Variants in GPC5 observed in about 807,000 individuals in gnomAD.
GPC5 encodes glypican-5.
Under a neutral mutation model 53.9 loss-of-function variants are expected in GPC5, and 47 were observed. The observed-to-expected ratio is 0.87, with a 90% CI of 0.69 to 1.11. The LOEUF is 1.11. Ranked by LOEUF, GPC5 falls within the 50% of genes most tolerant of loss-of-function variation. GPC5 has a pLI of 0.00. For synonymous variants in GPC5, 286 were observed against 263.3 expected (o/e 1.09, Z -0.84); for missense variants, 748 against 713.1 (o/e 1.05, Z -0.56).
At chr13:92,613,556 A>G (rs1221512793) in intron 7 of GPC5, among the ~76,000 whole-genome samples, 3 of 127,192 alleles carry the variant, frequency 2.4e-5, no homozygotes, top group Non-Finnish European at 4.7e-5. Context: ...TATAATTTAT[A>G]TACAATAATA....
chr13:92,064,090 T>C (rs970579365), intron 6 of GPC5, among the ~76,000 whole-genome samples: 4 of 152,140 alleles, frequency 2.6e-5, no homozygotes, highest in African/African-American at 9.7e-5. Flanking sequence ...CCATTTAATG[T>C]CTCAAATTTC....
chr13:91,486,457 G>C (rs1039866898), intron 2 of GPC5: 5 of 152,056 alleles, frequency 3.3e-5, no homozygotes, highest in African/African-American at 1.2e-4. Flanking sequence ...TTTCTTTAGG[G>C]GTCTTTCTGG....
chr13:91,799,166 A>G lies in GPC5; in HGVS notation c.1280+42746A>G, dbSNP rs1461570018. Reference sequence around the variant, plus strand: ...TTATGCAGCCATAAAAAAGAATGACATCATGTCCTTTGCAGCAACATGGTT... The same window carrying G: ...TTATGCAGCCATAAAAAAGAATGACGTCATGTCCTTTGCAGCAACATGGTT... On this transcript the variant is annotated intron_variant, in intron 5 of 7. Transcript: ENST00000377067. Among the ~76,000 whole-genome samples the G allele has an allele frequency of 2.0e-5, 3 of 152,244 alleles. No individual in the cohort carries two copies. In the East Asian group the frequency reaches 5.8e-4, roughly 29 times the overall value.
chr13:92,848,224 TG>T (rs1263701791), intron 7 of GPC5, among the ~76,000 whole-genome samples: 1 of 152,216 alleles, frequency 6.6e-6, no homozygotes, highest in Non-Finnish European at 1.5e-5. Context: ...ATTGAATTTT[TG>T]TATCTATCCT....
Position 92,464,536 on chromosome 13 carries a change from G to A in GPC5, c.1561+319547G>A, listed in dbSNP as rs537658692. Among the ~76,000 whole-genome samples the A allele has an allele frequency of 8.5e-4, 130 of 152,116 alleles. 1 individual carries two copies. Among genetic ancestry groups the A allele is most frequent in the African/African-American group, 3.0e-3 (124 of 41,534 alleles). On this transcript the variant is annotated intron_variant, in intron 7 of 7. Coordinates refer to ENST00000377067, the MANE Select transcript of GPC5 (RefSeq NM_004466.6). Reference sequence around the variant, plus strand: ...AAGTTTCAATGAATGCACACTGACTGCATTTATTTCCCATCAATTTCACCA... The same window carrying A: ...AAGTTTCAATGAATGCACACTGACTACATTTATTTCCCATCAATTTCACCA...
intron 7 of GPC5, among the ~76,000 whole-genome samples, chr13:92,471,798 T>C (rs1284811954): frequency 1.3e-5 from 2 of 152,090 alleles, no homozygotes; most frequent in Non-Finnish European, 2.9e-5. Context: ...ATGTGTTAGA[T>C]CACAGTAAAG....
rs191451134 is a variant in GPC5 at position 91,441,492 on chromosome 13, C to T, written c.164-7269C>T. ...TGGTGGATCCAGACTTTACTCTGAGCTTGAAAATGACTATGGCATTTGCGA... is the reference window on the plus strand; with the variant it reads ...TGGTGGATCCAGACTTTACTCTGAGTTTGAAAATGACTATGGCATTTGCGA... On this transcript the variant is annotated intron_variant, in intron 1 of 7. Coordinates refer to ENST00000377067, the MANE Select transcript of GPC5 (RefSeq NM_004466.6). 3.0e-3 allele frequency among the ~76,000 whole-genome samples: 459 copies of T among 152,252 alleles called. 16 individuals are homozygous for T. The South Asian group carries it at 0.079, about 26-fold the overall frequency.
intron 7 of GPC5, among the ~76,000 whole-genome samples, chr13:92,428,083 G>A (rs1354714913): frequency 2.0e-5 from 3 of 152,072 alleles, no homozygotes; most frequent in Admixed American, 6.6e-5. Flanking sequence ...AAAAGAGAAA[G>A]AGTCCTATTA....
intron 2 of GPC5, among the ~76,000 whole-genome samples, chr13:91,640,522 T>A (rs562748117): frequency 6.6e-6 from 1 of 152,292 alleles, no homozygotes; most frequent in African/African-American, 2.4e-5. Flanking sequence ...ACTTTCACAC[T>A]GTTGGTAGGA....
At chr13:91,647,120 ATACC>A (rs2034579932) in intron 2 of GPC5, among the ~76,000 whole-genome samples, 3 of 150,422 alleles carry the variant, frequency 2.0e-5, no homozygotes, top group East Asian at 3.9e-4. Context: ...TGTGAAATAC[ATACC>A]TATGGCATTC....
intron 7 of GPC5, among the ~76,000 whole-genome samples, chr13:92,456,861 T>C (rs958467209): frequency 3.9e-5 from 6 of 152,172 alleles, no homozygotes; most frequent in African/African-American, 1.2e-4. Context: ...ATTTCAACTT[T>C]CATTTTAGAT....
At chr13:92,560,243 A>T (rs1882651909) in intron 7 of GPC5, among the ~76,000 whole-genome samples, 1 of 152,050 alleles carries the variant, frequency 6.6e-6, no homozygotes, top group South Asian at 2.1e-4. Context: ...GATTTGTGAT[A>T]TATTGTGAAA....
chr13:91,976,304 A>C (rs113357845), intron 6 of GPC5, among the ~76,000 whole-genome samples: 3,600 of 152,290 alleles, frequency 0.024, 142 homozygotes, highest in African/African-American at 0.082. Context: ...AAATAGTGAA[A>C]ACATCATGGC....
chr13:91,606,985 T>G lies in GPC5; in HGVS notation c.326-86202T>G, dbSNP rs199563623. ...TTCTGCTCTGATTTTAGTTATTTCTTGCCTTCTGCTAGCTTTTGAATGTGT... is the reference window on the plus strand; with the variant it reads ...TTCTGCTCTGATTTTAGTTATTTCTGGCCTTCTGCTAGCTTTTGAATGTGT... On this transcript the variant is annotated intron_variant, in intron 2 of 7. Coordinates refer to ENST00000377067, the MANE Select transcript of GPC5 (RefSeq NM_004466.6). Among the ~76,000 whole-genome samples the G allele has an allele frequency of 5.9e-3, 894 of 151,850 alleles. 65 individuals are homozygous for G. In the East Asian group the frequency reaches 0.14, roughly 24 times the overall value.
chr13:92,267,501 G>T (rs1176137819), intron 7 of GPC5, among the ~76,000 whole-genome samples: 2 of 151,920 alleles, frequency 1.3e-5, no homozygotes, highest in African/African-American at 4.8e-5. Flanking sequence ...TGTTTCATTG[G>T]CTGATCTTTC....
Position 91,781,799 on chromosome 13 carries a change from C to T in GPC5, c.1280+25379C>T, listed in dbSNP as rs187771753. On this transcript the variant is annotated intron_variant, in intron 5 of 7. Transcript: ENST00000377067. ...TCCAAAGCTTGTGACTTTTAATCTTCGCAATCTCACTTCAGTAATCTACTA... is the reference window on the plus strand; with the variant it reads ...TCCAAAGCTTGTGACTTTTAATCTTTGCAATCTCACTTCAGTAATCTACTA... 5.9e-5 allele frequency among the ~76,000 whole-genome samples: 9 copies of T among 152,274 alleles called. No individual in the cohort carries two copies. The South Asian group carries it at 6.2e-4, about 11-fold the overall frequency.
intron 7 of GPC5, among the ~76,000 whole-genome samples, chr13:92,314,467 G>A (rs1052147192): frequency 6.6e-6 from 1 of 152,200 alleles, no homozygotes; most frequent in African/African-American, 2.4e-5. Flanking sequence ...TAGTAACTAT[G>A]ATTCTAAGAG....
chr13:91,668,361 T>A (rs2035166377), intron 2 of GPC5, among the ~76,000 whole-genome samples: 1 of 152,224 alleles, frequency 6.6e-6, no homozygotes, highest in Non-Finnish European at 1.5e-5. Context: ...CACATAGCAT[T>A]GAAATGTAGT....
At chr13:91,987,897 A>T (rs1219739417) in intron 6 of GPC5, among the ~76,000 whole-genome samples, 2 of 145,618 alleles carry the variant, frequency 1.4e-5, no homozygotes, top group East Asian at 2.0e-4. Flanking sequence ...ATATTTACTT[A>T]TATATAATCA....
Sources: allele counts gnomAD v4.1 joint callset (sites outside exome capture counted in the v4.1 genomes callset), GRCh38; gene constraint gnomAD v4.1.1; transcripts MANE v1.5; gene names NCBI Gene and HGNC (gene_info 2026-07-23, HGNC 2026-07-21).